QKI: variants seen among roughly 807,000 people sequenced by gnomAD.
The protein encoded by QKI is QKI, KH domain containing RNA binding.
Under a neutral mutation model 39.0 loss-of-function variants are expected in QKI, and 10 were observed. The observed-to-expected ratio is 0.26, with a 90% CI of 0.16 to 0.43. QKI has a LOEUF of 0.43. QKI is among the 20% of genes least tolerant of loss of function. The pLI is 1.00. For missense variants in QKI, 218 were observed against 428.0 expected, an observed-to-expected ratio of 0.51 and a Z score of 4.33; for synonymous variants, 204 against 155.4, an observed-to-expected ratio of 1.31 and a Z score of -2.33.
chr6:163,441,553 CAATA>C (rs1789763861), intron 1 of QKI, among the ~76,000 whole-genome samples: 1 of 152,086 alleles, frequency 6.6e-6, no homozygotes, highest in Non-Finnish European at 1.5e-5. Flanking sequence ...AGGCAATAAT[CAATA>C]AACAAGTACA....
chr6:163,520,410 AAGTTC>A (rs1780076175), intron 3 of QKI, among the ~76,000 whole-genome samples: 1 of 152,156 alleles, frequency 6.6e-6, no homozygotes, highest in Non-Finnish European at 1.5e-5. Flanking sequence ...AGCTAGCAAG[AAGTTC>A]AGGATTTTTT....
At chr6:163,540,760 T>C (rs1344023325) in intron 4 of QKI, among the ~76,000 whole-genome samples, 1 of 152,120 alleles carries the variant, frequency 6.6e-6, no homozygotes, top group African/African-American at 2.4e-5. Context: ...TGATGATCAG[T>C]TTACTTTATT....
intron 3 of QKI, among the ~76,000 whole-genome samples, chr6:163,507,564 G>A (rs1414500986): frequency 1.3e-5 from 2 of 152,124 alleles, no homozygotes; most frequent in African/African-American, 2.4e-5. Flanking sequence ...AAAAAGAAGG[G>A]AAAGAAAAGA....
intron 2 of QKI, among the ~76,000 whole-genome samples, chr6:163,465,226 A>G (rs923190078): frequency 3.3e-5 from 5 of 152,222 alleles, no homozygotes; most frequent in African/African-American, 1.2e-4. Flanking sequence ...AGCTGACATC[A>G]TACTTAATGG....
At chr6:163,472,952 G>A (rs1206151662) in intron 2 of QKI, among the ~76,000 whole-genome samples, 1 of 152,020 alleles carries the variant, frequency 6.6e-6, no homozygotes, top group Admixed American at 6.6e-5. Flanking sequence ...CAGATTAAAC[G>A]AAGGAAGGGA....
In QKI at chr6:163,572,778, C is replaced by G. The variant is rs529372413; in HGVS notation, c.*2068C>G. ...GTCATTACCTTCTTGGTGACCTCCC[C>G]CACCATCTTGTCTCACTTGGAAACC... On this transcript the variant is annotated 3_prime_UTR_variant, in exon 8 of 8. Transcript: ENST00000361752. 1 of 150,534 alleles carries G rather than the reference C, an allele frequency of 6.6e-6. No individual in the cohort carries two copies. Among genetic ancestry groups the G allele is most frequent in the Non-Finnish European group, 1.5e-5 (1 of 67,818 alleles). 9.3% of individuals were successfully genotyped at this position (150,534 alleles called of 1,614,324 possible).
intron 4 of QKI, among the ~76,000 whole-genome samples, chr6:163,545,199 G>A (rs1440674821): frequency 6.6e-6 from 1 of 152,080 alleles, no homozygotes; most frequent in Non-Finnish European, 1.5e-5. Context: ...AAATTTAAAT[G>A]TGCTGATTTT....
chr6:163,572,398 A>G lies in QKI; in HGVS notation c.*1688A>G, dbSNP rs2128253314. 6.6e-6 allele frequency: 1 copy of G among 152,342 alleles called. No individual in the cohort carries two copies. Among genetic ancestry groups the G allele is most frequent in the South Asian group, 2.1e-4 (1 of 4,832 alleles). The allele number at this position is 152,342 out of a possible 1,614,324, so 9.4% of individuals were successfully genotyped here. ...CCCAAATTTAATCACATGTCTTTATATCATACCAGATAACTGGTGTAGTGT... is the reference window on the plus strand; with the variant it reads ...CCCAAATTTAATCACATGTCTTTATGTCATACCAGATAACTGGTGTAGTGT... On this transcript the variant is annotated 3_prime_UTR_variant, in exon 8 of 8. Transcript: ENST00000361752.
intron 3 of QKI, among the ~76,000 whole-genome samples, chr6:163,524,809 G>C (rs1157053611): frequency 6.6e-6 from 1 of 152,090 alleles, no homozygotes; most frequent in Non-Finnish European, 1.5e-5. Context: ...ATTCTAGCCT[G>C]TCCATACCAT....
In QKI at chr6:163,575,942, G is replaced by A. The variant is rs1783954033; in HGVS notation, c.*5232G>A. On this transcript the variant is annotated 3_prime_UTR_variant, in exon 8 of 8. Transcript: ENST00000361752. ...TGTCTTTATTCCTTGATAAGAAGTAGCTGTTACAGCATTTCAAGCAAATTA... is the reference window on the plus strand; with the variant it reads ...TGTCTTTATTCCTTGATAAGAAGTAACTGTTACAGCATTTCAAGCAAATTA... 6.6e-6 allele frequency: 1 copy of A among 152,078 alleles called. No homozygotes were observed. The highest frequency in any genetic ancestry group is 2.1e-4 in the South Asian group (1 of 4,830). The allele number at this position is 152,078 out of a possible 1,614,324, so 9.4% of individuals were successfully genotyped here.
rs761410698 is a variant in QKI, at chr6:163,571,235, T to A, written c.*525T>A. ...TTCAAAAAGTATTCAAAATTTGATA[T>A]GCTGTTTAGTCACTACAGTGCCCTC... On this transcript the variant is annotated 3_prime_UTR_variant, in exon 8 of 8. Coordinates refer to ENST00000361752, the MANE Select transcript of QKI (RefSeq NM_006775.3). The A allele has an allele frequency of 6.6e-6, 1 of 152,266 alleles. No individual in the cohort carries two copies. The highest frequency in any genetic ancestry group is 1.9e-4 in the East Asian group (1 of 5,188). The allele number at this position is 152,266 out of a possible 1,614,324, so 9.4% of individuals were successfully genotyped here. A position where few individuals can be genotyped will look rare whatever the true frequency, so the allele number is the denominator to read the frequency against.
intron 3 of QKI, among the ~76,000 whole-genome samples, chr6:163,520,587 C>T (rs1267031148): frequency 1.3e-5 from 2 of 152,122 alleles, no homozygotes; most frequent in African/African-American, 4.8e-5. Context: ...TGACTACCAC[C>T]TATTAGCTAC....
chr6:163,566,534 A>G lies in QKI; in HGVS notation c.935-187A>G, dbSNP rs916951118. 3.5e-6 allele frequency: 5 copies of G among 1,430,146 alleles called. No individual in the cohort carries two copies. In the African/African-American group the frequency reaches 7.2e-5, roughly 21 times the overall value. 88.6% of individuals were successfully genotyped at this position (1,430,146 alleles called of 1,614,324 possible). ...GGCCCAAGATGTTTGAAATGAATGC[A>G]ATATTAATAGATGCATATATACATG... On this transcript the variant is annotated intron_variant, in intron 6 of 7. Coordinates refer to ENST00000361752, the MANE Select transcript of QKI (RefSeq NM_006775.3).
chr6:163,481,682 T>C (rs1432259766), intron 3 of QKI, among the ~76,000 whole-genome samples: 2 of 152,216 alleles, frequency 1.3e-5, no homozygotes, highest in Non-Finnish European at 1.5e-5. Flanking sequence ...TTTTCTTGGA[T>C]TGTTATTATT....
chr6:163,523,903 G>T (rs1780311977), intron 3 of QKI, among the ~76,000 whole-genome samples: 1 of 152,176 alleles, frequency 6.6e-6, no homozygotes, highest in Admixed American at 6.5e-5. Flanking sequence ...ATGATCTTAA[G>T]TATCATTTTA....
chr6:163,510,221 A>AAT (rs1779359202), intron 3 of QKI, among the ~76,000 whole-genome samples: 1 of 22,354 alleles, frequency 4.5e-5, no homozygotes, highest in Admixed American at 4.5e-4. Context: ...ATCTCAAAAT[A>AAT]ATAATAATAA....
rs1782589821 is a variant in QKI at position 163,556,154 on chromosome 6, GTTGA to G, written c.547-5827_547-5824del. 2.0e-5 allele frequency among the ~76,000 whole-genome samples: 3 copies of G among 152,288 alleles called. No homozygotes were observed. In the South Asian group the frequency reaches 6.2e-4, roughly 32 times the overall value. On this transcript the variant is annotated intron_variant, in intron 4 of 7. Transcript: ENST00000361752. The stretch of plus-strand genomic sequence containing the variant: ...AGATCTAGTGTCTAAGTCTAGAAAA[GTTGA>G]ACAATGTATAAATTACATTAAACGT...
intron 3 of QKI, among the ~76,000 whole-genome samples, chr6:163,518,059 T>C (rs910517398): frequency 1.3e-5 from 2 of 152,168 alleles, no homozygotes; most frequent in Non-Finnish European, 2.9e-5. Context: ...TAATATTTAT[T>C]GTGAAGGAAA....
intron 3 of QKI, among the ~76,000 whole-genome samples, chr6:163,515,986 A>G (rs1425185565): frequency 1.3e-5 from 2 of 150,694 alleles, no homozygotes; most frequent in African/African-American, 2.4e-5. Flanking sequence ...CTGATTATTT[A>G]TCTCTCAAAT....
Sources: allele counts gnomAD v4.1 joint callset (sites outside exome capture counted in the v4.1 genomes callset), GRCh38; gene constraint gnomAD v4.1.1; transcripts MANE v1.5; gene names NCBI Gene and HGNC (gene_info 2026-07-23, HGNC 2026-07-21).